The following EPHA6 variants were observed in gnomAD, a reference collection of about 807,000 sequenced individuals.
The protein encoded by EPHA6 is EPH receptor A6.
EPHA6 carries 50 observed loss-of-function variants against 112.0 expected under a neutral mutation model. That is an observed-to-expected ratio of 0.45 (90% confidence interval 0.36 to 0.56). The LOEUF is 0.56. Ranked by LOEUF, EPHA6 falls within the 20% of genes least tolerant of loss-of-function variation. EPHA6 has a pLI of 0.00. For missense variants in EPHA6, 1,280 were observed against 1,417.4 expected (o/e 0.90, Z 1.56); for synonymous variants, 529 against 490.7 (o/e 1.08, Z -1.03).
At chr3:97,069,011 C>T (rs910885894) in intron 3 of EPHA6, among the ~76,000 whole-genome samples, 6 of 152,126 alleles carry the variant, frequency 3.9e-5, no homozygotes, top group Admixed American at 6.5e-5. Context: ...TATACACACA[C>T]GCACACATAC....
chr3:97,639,161 C>A (rs1158347584), intron 14 of EPHA6, among the ~76,000 whole-genome samples: 4 of 151,924 alleles, frequency 2.6e-5, no homozygotes, highest in Admixed American at 2.0e-4. Flanking sequence ...AATAAATTAA[C>A]CTTTCATTGT....
At chr3:97,307,834 T>G (rs1346397391) in intron 5 of EPHA6, among the ~76,000 whole-genome samples, 2 of 151,780 alleles carry the variant, frequency 1.3e-5, no homozygotes, top group African/African-American at 2.4e-5. Context: ...ACTAATTATT[T>G]TATTCTACAT....
At chr3:97,021,537 A>G (rs888798548) in intron 3 of EPHA6, among the ~76,000 whole-genome samples, 2 of 152,204 alleles carry the variant, frequency 1.3e-5, no homozygotes, top group African/African-American at 2.4e-5. Context: ...AGAATGCCAC[A>G]AATTTATGTT....
chr3:97,576,704 G>A (rs987957093), intron 11 of EPHA6, among the ~76,000 whole-genome samples: 2 of 152,108 alleles, frequency 1.3e-5, no homozygotes, highest in East Asian at 3.9e-4. Context: ...ATAAAACTGT[G>A]ACATTAAAAT....
intron 2 of EPHA6, among the ~76,000 whole-genome samples, chr3:96,878,792 T>C (rs890790510): frequency 1.3e-5 from 2 of 152,040 alleles, no homozygotes; most frequent in African/African-American, 4.8e-5. Flanking sequence ...AAGCCTCCAA[T>C]TTTAATTCTT....
At chr3:97,425,165 G>A (rs1200210292) in intron 6 of EPHA6, among the ~76,000 whole-genome samples, 4 of 152,152 alleles carry the variant, frequency 2.6e-5, no homozygotes, top group African/African-American at 4.8e-5. Context: ...TGGATCTGCC[G>A]TTCGGGTCTG....
At chr3:97,034,798 T>C (rs1043446888) in intron 3 of EPHA6, among the ~76,000 whole-genome samples, 3 of 151,958 alleles carry the variant, frequency 2.0e-5, no homozygotes, top group Admixed American at 2.0e-4. Flanking sequence ...GAATTGTTCA[T>C]GGAACTACGA....
At chr3:97,636,365 A>G (rs1230119736) in intron 13 of EPHA6, among the ~76,000 whole-genome samples, 4 of 152,150 alleles carry the variant, frequency 2.6e-5, no homozygotes, top group Non-Finnish European at 4.4e-5. Context: ...GGCAGATTTC[A>G]TCTAATAGTG....
chr3:97,071,087 A>G (rs1219313396), intron 3 of EPHA6, among the ~76,000 whole-genome samples: 2 of 151,990 alleles, frequency 1.3e-5, no homozygotes, highest in African/African-American at 4.8e-5. Context: ...TTTGTCAGTA[A>G]TTCCAAAAAG....
intron 2 of EPHA6, among the ~76,000 whole-genome samples, chr3:96,948,087 G>C (rs1432248557): frequency 1.3e-5 from 2 of 152,106 alleles, no homozygotes; most frequent in African/African-American, 4.8e-5. Context: ...ATGGTATCCT[G>C]TACGTATTTT....
chr3:96,889,958 G>T (rs958038124), intron 2 of EPHA6, among the ~76,000 whole-genome samples: 3 of 151,956 alleles, frequency 2.0e-5, no homozygotes, highest in Admixed American at 1.3e-4. Flanking sequence ...GGGCTTGCAG[G>T]ATATCCACAT....
intron 10 of EPHA6, among the ~76,000 whole-genome samples, chr3:97,512,067 C>A (rs2092373950): frequency 6.6e-6 from 1 of 152,058 alleles, no homozygotes; most frequent in East Asian, 1.9e-4. Flanking sequence ...TGATGAATAT[C>A]TTGTGACAAA....
chr3:97,585,949 G>A (rs1337656642), intron 11 of EPHA6, among the ~76,000 whole-genome samples: 3 of 152,296 alleles, frequency 2.0e-5, no homozygotes, highest in East Asian at 3.9e-4. Context: ...GCATAAATTA[G>A]TAAGTTATTC....
chr3:96,887,277 G>A (rs1378932745), intron 2 of EPHA6, among the ~76,000 whole-genome samples: 3 of 152,228 alleles, frequency 2.0e-5, no homozygotes, highest in South Asian at 2.1e-4. Flanking sequence ...TGTCCCATGG[G>A]GTGTTCCCTT....
intron 5 of EPHA6, among the ~76,000 whole-genome samples, chr3:97,303,197 TATAA>T (rs1189985488): frequency 6.6e-6 from 1 of 151,884 alleles, no homozygotes; most frequent in African/African-American, 2.4e-5. Context: ...AGATACATAT[TATAA>T]ATATAGAGTC....
At chr3:96,925,906 A>G (rs1309628099) in intron 2 of EPHA6, among the ~76,000 whole-genome samples, 1 of 151,880 alleles carries the variant, frequency 6.6e-6, no homozygotes, top group East Asian at 1.9e-4. Context: ...GTGCCCAGCC[A>G]ATTTCTTGAT....
At chr3:97,138,492 T>C (rs1268399270) in intron 3 of EPHA6, among the ~76,000 whole-genome samples, 1 of 152,190 alleles carries the variant, frequency 6.6e-6, no homozygotes, top group Admixed American at 6.5e-5. Flanking sequence ...TGCCTGGTCA[T>C]TCCTGCAGTG....
At chr3:97,336,925 T>C (rs540724946) in intron 5 of EPHA6, among the ~76,000 whole-genome samples, 1 of 151,506 alleles carries the variant, frequency 6.6e-6, no homozygotes, top group Non-Finnish European at 1.5e-5. Context: ...CCAGATTATC[T>C]GGGATGCCGC....
rs573577528 is a variant in EPHA6 at position 97,304,904 on chromosome 3, T to G, written c.1606+60617T>G. 2.6e-5 allele frequency among the ~76,000 whole-genome samples: 4 copies of G among 152,136 alleles called. No homozygotes were observed. The East Asian group carries it at 7.7e-4, about 29-fold the overall frequency. ...ATTGACAAATGGGGTCCAATTAAAC[T>G]AAAGAGCTTCTGCACAGAAAAAGAA... is the stretch of plus-strand genomic sequence containing the variant. On this transcript the variant is annotated intron_variant, in intron 5 of 17. Coordinates refer to ENST00000389672, the MANE Select transcript of EPHA6 (RefSeq NM_001080448.3).
Sources: gnomAD v4.1 joint callset for allele counts (sites outside exome capture counted in the v4.1 genomes callset) on GRCh38, gnomAD v4.1.1 for gene constraint, MANE v1.5 for transcripts, NCBI Gene and HGNC (gene_info 2026-07-23, HGNC 2026-07-21) for gene names.